Variants in PIWIL2 observed in about 807,000 individuals in gnomAD.
PIWIL2 encodes piwi like RNA-mediated gene silencing 2, also known as piwi-like protein 2.
In PIWIL2, 81 loss-of-function variants were observed where a neutral mutation model predicts 116.5. That is an observed-to-expected ratio of 0.70 (90% CI 0.58 to 0.84). The LOEUF is 0.84. Among genes scored for constraint, PIWIL2 ranks in the 40% least tolerant of loss-of-function variants. The probability of loss-of-function intolerance (pLI) is 0.00; values close to 1 mark genes in which losing one functional copy is unlikely to be tolerated. For missense variants in PIWIL2, 1,272 were observed against 1,212.3 expected, an observed-to-expected ratio of 1.05 and a Z score of -0.73; for synonymous variants, 489 against 429.5, an observed-to-expected ratio of 1.14 and a Z score of -1.71.
In PIWIL2 at chr8:22,352,914, A is replaced by C. The variant is rs773803287; in HGVS notation, c.2404-45A>C. 14 of 1,576,828 alleles carry C rather than the reference A, an allele frequency of 8.9e-6. No homozygotes were observed. The African/African-American group carries it at 1.9e-4, about 21-fold the overall frequency. ...GGGCCTCTCACTGACTGTGGTCCGT[A>C]GCCTGAGGGCTCTGTGAGTCACCAC... On this transcript the variant is annotated intron_variant, in intron 20 of 22. Transcript: ENST00000356766.
intron 10 of PIWIL2, among the ~76,000 whole-genome samples, chr8:22,300,344 A>G (rs1489489449): frequency 1.3e-5 from 2 of 152,188 alleles, no homozygotes; most frequent in African/African-American, 2.4e-5. Context: ...TATGTTGCAA[A>G]TGTTCATTCC....
intron 10 of PIWIL2, among the ~76,000 whole-genome samples, chr8:22,292,870 A>C (rs1455413452): frequency 6.6e-6 from 1 of 152,238 alleles, no homozygotes; most frequent in African/African-American, 2.4e-5. Context: ...TCAGAAAGTC[A>C]GATAAAGATC....
At chr8:22,345,125 T>A (rs1166389352) in intron 20 of PIWIL2, among the ~76,000 whole-genome samples, 1 of 152,170 alleles carries the variant, frequency 6.6e-6, no homozygotes, top group African/African-American at 2.4e-5. Flanking sequence ...CTATAGTGTG[T>A]GAGGATCACA....
Position 22,279,439 on chromosome 8 carries a change from A to G in PIWIL2, c.53A>G (p.Gln18Arg). ...GGCCAGTCTCCTATCCACCCATCCC[A>G]GTGCCAGGCTGTACGGATGCCAGGC... ...FRGQSPIHPS[Q>R]CQAVRMPGCW... The change falls in exon 2 of 23, where the codon CAG becomes CGG. Residue 18 changes from glutamine (Q) to arginine (R), a missense_variant. Physicochemically the swap from Gln to Arg is conservative, Grantham distance 43. Transcript: ENST00000356766. 1.2e-6 allele frequency: 2 copies of G among 1,614,122 alleles called. No homozygotes were observed. The highest frequency in any genetic ancestry group is 1.7e-6 in the Non-Finnish European group (2 of 1,179,988).
intron 22 of PIWIL2, 47 bp from the exon 23 acceptor site, chr8:22,355,302 T>C (rs1281336870): frequency 1.3e-6 from 2 of 1,599,458 alleles, no homozygotes; most frequent in African/African-American, 1.3e-5. Context: ...ATGCCACAAA[T>C]TGAAGGTGGG....
At chr8:22,324,966 A>T (rs1433890679) in intron 20 of PIWIL2, among the ~76,000 whole-genome samples, 1 of 152,170 alleles carries the variant, frequency 6.6e-6, no homozygotes, top group Non-Finnish European at 1.5e-5. Flanking sequence ...CTTGATTTTG[A>T]ACTTCTAGCC....
intron 20 of PIWIL2, among the ~76,000 whole-genome samples, chr8:22,329,171 AGT>A (rs1342656732): frequency 6.6e-6 from 1 of 152,146 alleles, no homozygotes; most frequent in Non-Finnish European, 1.5e-5. Context: ...TTATAATGAA[AGT>A]GTGTTGGATT....
At chr8:22,277,453 T>C (rs1029954247) in intron 1 of PIWIL2, among the ~76,000 whole-genome samples, 1 of 152,206 alleles carries the variant, frequency 6.6e-6, no homozygotes, top group Non-Finnish European at 1.5e-5. Flanking sequence ...TGAGCAAGTA[T>C]TGTAGGCTCA....
At chr8:22,330,530 C>G (rs1173034561) in intron 20 of PIWIL2, among the ~76,000 whole-genome samples, 2 of 151,486 alleles carry the variant, frequency 1.3e-5, no homozygotes, top group African/African-American at 4.9e-5. Flanking sequence ...AACCCCATCT[C>G]TACTAAAAAT....
At chr8:22,309,756 C>T (rs1360786696) in intron 14 of PIWIL2, among the ~76,000 whole-genome samples, 2 of 152,192 alleles carry the variant, frequency 1.3e-5, no homozygotes, top group African/African-American at 4.8e-5. Context: ...AGACTAGTAC[C>T]TATAATAATT....
chr8:22,316,473 A>AG, intron 19 of PIWIL2, 140 bp downstream of exon 19: 1 of 615,190 alleles, frequency 1.6e-6, no homozygotes. Context: ...TCTTCATGTG[A>AG]ATTTTTTTTT....
chr8:22,281,272 T>C (rs1830493054), intron 3 of PIWIL2, 65 bp downstream of exon 3: 2 of 1,547,080 alleles, frequency 1.3e-6, no homozygotes, highest in Non-Finnish European at 1.8e-6. Flanking sequence ...AAAATCCAAA[T>C]GGTTTATTTT....
Position 22,354,298 on chromosome 8 carries a change from T to G in PIWIL2, c.2685T>G (p.His895Gln), listed in dbSNP as rs1563439179. ...TGGATTTCTATCTTCTTGCCCATCA[T>G]GTACGGCAGGGCTGTGGCATTCCTA... Reference protein sequence around the residue: ...EWVDFYLLAHHVRQGCGIPTH... With the variant: ...EWVDFYLLAHQVRQGCGIPTH... The change falls in exon 22 of 23, where the codon CAT (histidine) becomes CAG (glutamine). Residue 895 changes from histidine to glutamine, a missense_variant. Physicochemically the swap from His to Gln is conservative, Grantham distance 24. Coordinates refer to ENST00000356766, the MANE Select transcript of PIWIL2 (RefSeq NM_018068.5). The G allele has an allele frequency of 1.2e-6, 2 of 1,613,016 alleles. No homozygotes were observed. The highest frequency in any genetic ancestry group is 2.2e-5 in the South Asian group (2 of 91,062).
At position 22,279,812 on chromosome 8, in the gene PIWIL2, C is replaced by G. The variant is rs144894144; in HGVS notation, c.198+228C>G. On this transcript the variant is annotated intron_variant, in intron 2 of 22. Coordinates refer to ENST00000356766, the MANE Select transcript of PIWIL2 (RefSeq NM_018068.5). Reference sequence around the variant, plus strand: ...TCTCTACTGAAAATACAAAAATTAGCCAGGTGTGGTGGCGGGTACCTGTAA... The same window carrying G: ...TCTCTACTGAAAATACAAAAATTAGGCAGGTGTGGTGGCGGGTACCTGTAA... Among the ~76,000 whole-genome samples the G allele has an allele frequency of 9.5e-3, 1,445 of 152,230 alleles. 23 individuals are homozygous for G. Among genetic ancestry groups the G allele is most frequent in the African/African-American group, 0.033 (1,376 of 41,534 alleles).
rs901374890 is a variant in PIWIL2, at chr8:22,356,983, T to A, written c.*1478T>A. The A allele has an allele frequency of 6.6e-6, 1 of 152,190 alleles. No individual in the cohort carries two copies. Among genetic ancestry groups the A allele is most frequent in the African/African-American group, 2.4e-5 (1 of 41,440 alleles). The allele number at this position is 152,190 out of a possible 1,614,324, so 9.4% of individuals were successfully genotyped here. On this transcript the variant is annotated 3_prime_UTR_variant, in exon 23 of 23. Transcript: ENST00000356766. ...TTTCTAATTTGTATTTATGTACTTA[T>A]TTATTTTTTGGTATGATGGCAGGGA...
chr8:22,354,298 T>C lies in PIWIL2; in HGVS notation c.2685T>C (p.His895=), dbSNP rs1563439179. The part of the protein sequence containing the change: ...EWVDFYLLAH[H]VRQGCGIPTH... ...TGGATTTCTATCTTCTTGCCCATCATGTACGGCAGGGCTGTGGCATTCCTA... is the reference window on the plus strand; with the variant it reads ...TGGATTTCTATCTTCTTGCCCATCACGTACGGCAGGGCTGTGGCATTCCTA... The change falls in exon 22 of 23, where the codon CAT becomes CAC. Residue 895 remains histidine (H), a synonymous_variant. Transcript: ENST00000356766. The C allele has an allele frequency of 1.9e-6, 3 of 1,613,134 alleles. No individual in the cohort carries two copies. Among genetic ancestry groups the C allele is most frequent in the Non-Finnish European group, 1.7e-6 (2 of 1,179,102 alleles).
intron 20 of PIWIL2, among the ~76,000 whole-genome samples, 191 bp downstream of exon 20, chr8:22,318,466 C>T (rs1288293289): frequency 6.6e-6 from 1 of 152,108 alleles, no homozygotes; most frequent in Non-Finnish European, 1.5e-5. Flanking sequence ...TACAGGCGTG[C>T]ACCAGCACGT....
rs1464405835 is a variant in PIWIL2, at chr8:22,283,088, A to G, written c.480A>G (p.Ala160=). The G allele has an allele frequency of 1.9e-6, 3 of 1,614,158 alleles. No homozygotes were observed. The highest frequency in any genetic ancestry group is 1.7e-6 in the Non-Finnish European group (2 of 1,180,008). ...CTTTATTACCACTGGGAAGAGCAGC[A>G]GGTGGTATCAGCAGAGAAGTGGACA... ...DASLLPLGRA[A]GGISREVDKP... is the part of the protein sequence containing the mutation. The change falls in exon 5 of 23, where the codon GCA becomes GCG. Residue 160 remains alanine (A), a synonymous_variant. Transcript: ENST00000356766.
In PIWIL2 at chr8:22,352,894, T is replaced by C. The variant is rs1051656125; in HGVS notation, c.2404-65T>C. 60 of 1,520,150 alleles carry C rather than the reference T, an allele frequency of 3.9e-5. 1 individual carries two copies. The highest frequency in any genetic ancestry group is 3.6e-4 in the Middle Eastern group (2 of 5,576). The allele number at this position is 1,520,150 out of a possible 1,614,324, so 94.2% of individuals were successfully genotyped here. ...CCAGGCTACACAATGCGAGTGGGCC[T>C]CTCACTGACTGTGGTCCGTAGCCTG... On this transcript the variant is annotated intron_variant, in intron 20 of 22. Coordinates refer to ENST00000356766, the MANE Select transcript of PIWIL2 (RefSeq NM_018068.5).
Sources: allele counts gnomAD v4.1 joint callset (sites outside exome capture counted in the v4.1 genomes callset), GRCh38; gene constraint gnomAD v4.1.1; transcripts MANE v1.5; gene names NCBI Gene and HGNC (gene_info 2026-07-23, HGNC 2026-07-21).